Variants in TMEM217B observed in about 807,000 individuals in gnomAD.
TMEM217B encodes putative transmembrane protein 217B.
the TMEM217B span, among the ~76,000 whole-genome samples, chr6:37,220,545 C>CT: frequency 0.21 from 31,121 of 145,702 alleles, 3,772 homozygotes; most frequent in Non-Finnish European, 0.29. Flanking sequence ...CATAGCTGGC[C>CT]TTTTTTTTTT....
the TMEM217B span, among the ~76,000 whole-genome samples, chr6:37,216,167 C>T: frequency 6.6e-6 from 1 of 152,146 alleles, no homozygotes; most frequent in African/African-American, 2.4e-5. Context: ...CAACCTCCAT[C>T]TCCCAAGTTC....
At chr6:37,240,223 G>A in the TMEM217B span, among the ~76,000 whole-genome samples, 3 of 152,198 alleles carry the variant, frequency 2.0e-5, no homozygotes, top group African/African-American at 7.2e-5. Flanking sequence ...CCATGAGTCA[G>A]GAATCCAAGA....
the TMEM217B span, among the ~76,000 whole-genome samples, chr6:37,236,279 T>G: frequency 2.6e-5 from 4 of 152,208 alleles, no homozygotes; most frequent in Admixed American, 1.3e-4. Context: ...TGAGCCACTG[T>G]GCCTGGCCAT....
the TMEM217B span, among the ~76,000 whole-genome samples, chr6:37,214,897 G>A: frequency 2.0e-5 from 3 of 152,122 alleles, no homozygotes; most frequent in Non-Finnish European, 4.4e-5. Context: ...CTGCACCAAC[G>A]AAACCTCACC....
At chr6:37,231,219 C>T in the TMEM217B span, among the ~76,000 whole-genome samples, 1 of 140,282 alleles carries the variant, frequency 7.1e-6, no homozygotes, top group Non-Finnish European at 1.5e-5. Flanking sequence ...GCCACCATGC[C>T]TGGCTAATTT....
the TMEM217B span, chr6:37,258,011 C>A: frequency 1.2e-6 from 2 of 1,605,680 alleles, no homozygotes; most frequent in South Asian, 2.2e-5. Flanking sequence ...GGGATTGGAC[C>A]AAACCCTTCC....
the TMEM217B span, among the ~76,000 whole-genome samples, chr6:37,249,528 C>T: frequency 1.3e-5 from 2 of 152,102 alleles, no homozygotes; most frequent in Non-Finnish European, 2.9e-5. Flanking sequence ...ACCATGCTGG[C>T]CAAGCTGGTT....
chr6:37,243,752 C>T, the TMEM217B span, among the ~76,000 whole-genome samples: 1 of 152,174 alleles, frequency 6.6e-6, no homozygotes. Context: ...GCATGCACCA[C>T]CACACCTGGC....
At chr6:37,222,407 G>C in the TMEM217B span, among the ~76,000 whole-genome samples, 2 of 152,212 alleles carry the variant, frequency 1.3e-5, no homozygotes, top group Non-Finnish European at 2.9e-5. Flanking sequence ...GCAGACATCC[G>C]GGAGCCTGCA....
At chr6:37,256,215 C>T in the TMEM217B span, among the ~76,000 whole-genome samples, 16 of 152,086 alleles carry the variant, frequency 1.1e-4, no homozygotes, top group African/African-American at 3.6e-4. Context: ...TCAGAGGATA[C>T]CTTTAAGACA....
chr6:37,231,785 G>A, the TMEM217B span, among the ~76,000 whole-genome samples: 2 of 147,590 alleles, frequency 1.4e-5, no homozygotes, highest in African/African-American at 5.0e-5. Context: ...TTTCAATGTA[G>A]AGATAAATGT....
chr6:37,216,380 G>T, the TMEM217B span, among the ~76,000 whole-genome samples: 542 of 152,240 alleles, frequency 3.6e-3, 3 homozygotes, highest in African/African-American at 1.0e-2. Flanking sequence ...CGCCTGGCCC[G>T]ATTTGCATTT....
the TMEM217B span, among the ~76,000 whole-genome samples, chr6:37,245,933 G>A: frequency 6.6e-6 from 1 of 152,078 alleles, no homozygotes; most frequent in African/African-American, 2.4e-5. Context: ...CCGAGTAGCT[G>A]TAATCACAGG....
the TMEM217B span, chr6:37,212,297 C>T: frequency 5.9e-5 from 21 of 353,924 alleles, no homozygotes; most frequent in Non-Finnish European, 1.0e-4. Flanking sequence ...TTCCTCAGTG[C>T]GTAAAACTCA....
chr6:37,218,945 T>C, the TMEM217B span: 8 of 1,614,134 alleles, frequency 5.0e-6, no homozygotes, highest in Non-Finnish European at 6.8e-6. Flanking sequence ...AAAGATGAGA[T>C]ACATGTCTAC....
chr6:37,234,835 G>C, the TMEM217B span, among the ~76,000 whole-genome samples: 2 of 152,128 alleles, frequency 1.3e-5, no homozygotes, highest in African/African-American at 4.8e-5. Context: ...GGTTACCTGT[G>C]AAAAGTATGA....
chr6:37,243,594 G>T, the TMEM217B span, among the ~76,000 whole-genome samples: 1 of 152,070 alleles, frequency 6.6e-6, no homozygotes, highest in African/African-American at 2.4e-5. Context: ...AGAGGTTAGG[G>T]TTTTGTTTTG....
At chr6:37,217,837 A>C in the TMEM217B span, 2 of 985,448 alleles carry the variant, frequency 2.0e-6, no homozygotes, top group Non-Finnish European at 2.4e-6. Context: ...GCCAAGAAAA[A>C]AGGATTGCCC....
At chr6:37,247,924 A>T in the TMEM217B span, among the ~76,000 whole-genome samples, 265 of 152,286 alleles carry the variant, frequency 1.7e-3, 1 homozygote, top group African/African-American at 6.2e-3. Context: ...ATGGGGGAAG[A>T]GCCTTCAGGC....
Sources: gnomAD v4.1 joint callset for allele counts (sites outside exome capture counted in the v4.1 genomes callset) on GRCh38, gnomAD v4.1.1 for gene constraint, MANE v1.5 for transcripts, NCBI Gene and HGNC (gene_info 2026-07-23, HGNC 2026-07-21) for gene names.